ATG5: variants seen among roughly 807,000 people sequenced by gnomAD.
ATG5 encodes the protein autophagy protein 5.
Under a neutral mutation model 36.5 loss-of-function variants are expected in ATG5, and 14 were observed. The observed-to-expected ratio is 0.38, with a 90% confidence interval of 0.25 to 0.60. The LOEUF (loss-of-function observed/expected upper bound fraction) is 0.60. Ranked by LOEUF, ATG5 falls within the 20% of genes least tolerant of loss-of-function variation. The pLI, the probability that ATG5 is intolerant of heterozygous loss-of-function variation, is 0.60. For missense variants in ATG5, 195 were observed against 326.7 expected (o/e 0.60, Z 3.11); for synonymous variants, 95 against 101.5 (o/e 0.94, Z 0.38).
At chr6:106,212,519 A>T (rs2114397123) in intron 6 of ATG5, among the ~76,000 whole-genome samples, 1 of 152,236 alleles carries the variant, frequency 6.6e-6, no homozygotes, top group East Asian at 1.9e-4. Context: ...GGTGCTTGTA[A>T]TCCCAGCTAC....
rs981986170 is a variant in ATG5, at chr6:106,200,601, A to G, written c.691+1371T>C. Among the ~76,000 whole-genome samples the G allele has an allele frequency of 3.3e-5, 5 of 152,088 alleles. No homozygotes were observed. In the East Asian group the frequency reaches 9.7e-4, roughly 29 times the overall value. Reference sequence around the variant, plus strand: ...GTCATTCTCCTACCTCAGCCTCCCAAGTAGCTGGAACTACAGGCGCCCCGC... The same window carrying G: ...GTCATTCTCCTACCTCAGCCTCCCAGGTAGCTGGAACTACAGGCGCCCCGC... On this transcript the variant is annotated intron_variant, in intron 7 of 7. Transcript: ENST00000369076.
chr6:106,216,441 C>T (rs1777041727), intron 6 of ATG5, among the ~76,000 whole-genome samples: 1 of 152,030 alleles, frequency 6.6e-6, no homozygotes, highest in South Asian at 2.1e-4. Context: ...TTGATACATG[C>T]TACAAAATGA....
chr6:106,214,052 G>T (rs527912489), intron 6 of ATG5, among the ~76,000 whole-genome samples: 49 of 152,224 alleles, frequency 3.2e-4, no homozygotes, highest in African/African-American at 1.2e-3. Flanking sequence ...GAAAACAGGG[G>T]TTTACACAGG....
At chr6:106,208,947 A>G (rs1375462580) in intron 6 of ATG5, among the ~76,000 whole-genome samples, 3 of 152,252 alleles carry the variant, frequency 2.0e-5, no homozygotes, top group Admixed American at 2.0e-4. Flanking sequence ...ATCATTAGCC[A>G]TTAAAGAAAT....
At chr6:106,188,800 G>A (rs1467558907) in intron 7 of ATG5, among the ~76,000 whole-genome samples, 3 of 152,134 alleles carry the variant, frequency 2.0e-5, no homozygotes, top group Admixed American at 2.0e-4. Context: ...AGTAACTAAG[G>A]AAAGAATCTA....
chr6:106,207,727 T>TAA (rs1447629734), intron 6 of ATG5, among the ~76,000 whole-genome samples: 2 of 152,112 alleles, frequency 1.3e-5, no homozygotes, highest in African/African-American at 2.4e-5. Context: ...ATCACAAACT[T>TAA]AAATCAGGTT....
At chr6:106,209,216 T>C (rs1404929940) in intron 6 of ATG5, among the ~76,000 whole-genome samples, 1 of 152,188 alleles carries the variant, frequency 6.6e-6, no homozygotes, top group African/African-American at 2.4e-5. Flanking sequence ...AAAAAACTTA[T>C]ACATGAACGT....
chr6:106,211,006 A>G (rs1310487800), intron 6 of ATG5, among the ~76,000 whole-genome samples: 1 of 152,208 alleles, frequency 6.6e-6, no homozygotes, highest in Non-Finnish European at 1.5e-5. Flanking sequence ...CCCTGTTACT[A>G]TGTTATTACT....
At chr6:106,294,725 C>T (rs1185087027) in intron 3 of ATG5, among the ~76,000 whole-genome samples, 3 of 151,520 alleles carry the variant, frequency 2.0e-5, no homozygotes, top group Non-Finnish European at 4.4e-5. Context: ...CACCTGCAGC[C>T]CTAGCTACTC....
chr6:106,283,488 C>T (rs941862977), intron 4 of ATG5: 2 of 152,152 alleles, frequency 1.3e-5, no homozygotes, highest in African/African-American at 4.8e-5. Context: ...TACTAATCAG[C>T]ACGGGAGTTT....
chr6:106,274,692 A>G (rs1398752695), intron 5 of ATG5, among the ~76,000 whole-genome samples: 2 of 152,228 alleles, frequency 1.3e-5, no homozygotes, highest in East Asian at 3.8e-4. Flanking sequence ...GTTTAATAGG[A>G]AACTACTTAT....
chr6:106,304,574 G>A (rs567183123), intron 3 of ATG5, among the ~76,000 whole-genome samples: 38 of 152,186 alleles, frequency 2.5e-4, no homozygotes, highest in African/African-American at 8.7e-4. Flanking sequence ...ATTCAGACAC[G>A]AAAGGCTACA....
At chr6:106,252,068 T>C (rs949453081) in intron 5 of ATG5, among the ~76,000 whole-genome samples, 4 of 152,184 alleles carry the variant, frequency 2.6e-5, no homozygotes, top group Non-Finnish European at 5.9e-5. Flanking sequence ...CTTGGACTTC[T>C]GACCTCAAGT....
intron 3 of ATG5, among the ~76,000 whole-genome samples, chr6:106,300,422 C>T (rs1214391746): frequency 1.3e-5 from 2 of 152,122 alleles, no homozygotes; most frequent in Non-Finnish European, 2.9e-5. Context: ...CTAAAATCTA[C>T]TTTTGAAATC....
intron 6 of ATG5, among the ~76,000 whole-genome samples, chr6:106,210,890 T>A (rs1038397392): frequency 1.3e-5 from 2 of 152,234 alleles, no homozygotes; most frequent in Admixed American, 6.5e-5. Context: ...TCTTTTTAAA[T>A]GTGACTTGAC....
intron 7 of ATG5, among the ~76,000 whole-genome samples, chr6:106,193,092 T>C (rs1255023449): frequency 6.6e-6 from 1 of 152,288 alleles, no homozygotes; most frequent in East Asian, 1.9e-4. Context: ...TCCTGGGGAA[T>C]GAGATCTCAA....
chr6:106,288,455 A>G (rs1780173142), intron 4 of ATG5, among the ~76,000 whole-genome samples: 2 of 152,162 alleles, frequency 1.3e-5, no homozygotes, highest in East Asian at 1.9e-4. Flanking sequence ...ATCCAAATCT[A>G]TATGTTATAA....
At chr6:106,265,704 C>T (rs1779200206) in intron 5 of ATG5, among the ~76,000 whole-genome samples, 2 of 152,170 alleles carry the variant, frequency 1.3e-5, no homozygotes, top group African/African-American at 4.8e-5. Context: ...AAGAAACTAA[C>T]TCAAAACTGT....
chr6:106,200,976 G>A (rs1007052372), intron 7 of ATG5, among the ~76,000 whole-genome samples: 2 of 152,048 alleles, frequency 1.3e-5, no homozygotes, highest in East Asian at 1.9e-4. Context: ...GGCTCAAGTC[G>A]CTTATATAGA....
Sources: allele counts gnomAD v4.1 joint callset (sites outside exome capture counted in the v4.1 genomes callset), GRCh38; gene constraint gnomAD v4.1.1; transcripts MANE v1.5; gene names NCBI Gene and HGNC (gene_info 2026-07-23, HGNC 2026-07-21).